The following ALDH16A1 variants were observed in gnomAD, a reference collection of about 807,000 sequenced individuals.
The protein encoded by ALDH16A1 is aldehyde dehydrogenase family 16 member A1.
In ALDH16A1, 88 loss-of-function variants were observed where a neutral mutation model predicts 96.1. The ratio of observed to expected loss-of-function variants is 0.92; its 90% CI spans 0.77 to 1.09. The LOEUF (loss-of-function observed/expected upper bound fraction) is 1.09. Ranked by LOEUF, ALDH16A1 falls within the 50% of genes least tolerant of loss-of-function variation. The pLI is 0.00. For missense variants in ALDH16A1, 1,250 were observed against 1,112.6 expected, an observed-to-expected ratio of 1.12 and a Z score of -1.76; for synonymous variants, 522 against 496.4, an observed-to-expected ratio of 1.05 and a Z score of -0.69.
Position 49,455,731 on chromosome 19 carries a change from A to G in ALDH16A1, c.90+2310A>G, listed in dbSNP as rs573864822. 4.6e-5 allele frequency among the ~76,000 whole-genome samples: 7 copies of G among 152,294 alleles called. No individual in the cohort carries two copies. In the South Asian group the frequency reaches 6.2e-4, roughly 14 times the overall value. On this transcript the variant is annotated intron_variant, in intron 1 of 16. Coordinates refer to ENST00000293350, the MANE Select transcript of ALDH16A1 (RefSeq NM_153329.4). ...GGCAACATGGTGAGGCCCTATCTCT[A>G]TTAATATAAAAATAAAACATAAAAA...
In ALDH16A1 at chr19:49,468,179, G is replaced by T. The variant is rs1227821154; in HGVS notation, c.1939-202G>T. 3.9e-6 allele frequency: 2 copies of T among 515,174 alleles called. No individual in the cohort carries two copies. Among genetic ancestry groups the T allele is most frequent in the East Asian group, 3.3e-5 (1 of 30,708 alleles). 31.9% of individuals were successfully genotyped at this position (515,174 alleles called of 1,614,324 possible). ...CGTCTCAAAAAAAAAAAAAAAGAAA[G>T]GCGGTTATGCAGGATGTTTCTCACC... is the stretch of plus-strand genomic sequence containing the variant. On this transcript the variant is annotated intron_variant, in intron 14 of 16. Coordinates refer to ENST00000293350, the MANE Select transcript of ALDH16A1 (RefSeq NM_153329.4). This position sits in a 1 kb window ranked among gnomAD's most constrained non-coding sequence, Gnocchi z 4.4.
intron 1 of ALDH16A1, among the ~76,000 whole-genome samples, chr19:49,456,902 G>A (rs1385924822): frequency 6.6e-6 from 1 of 151,878 alleles, no homozygotes; most frequent in Non-Finnish European, 1.5e-5. Flanking sequence ...GAGGCCAGGA[G>A]TTCGAGACCA....
chr19:49,468,612 C>T lies in ALDH16A1; in HGVS notation c.2124+46C>T, dbSNP rs1430217299. ...GCCTCTCCTCCCCGTAGCCTCAGGG[C>T]AGCAGAAAAAGGCGCCCCAAAGTCG... On this transcript the variant is annotated intron_variant, in intron 15 of 16. Coordinates refer to ENST00000293350, the MANE Select transcript of ALDH16A1 (RefSeq NM_153329.4). The surrounding 1 kb of genome is among the most constrained non-coding windows in gnomAD (Gnocchi z 4.4). The T allele has an allele frequency of 3.8e-6, 6 of 1,583,580 alleles. No individual in the cohort carries two copies. The highest frequency in any genetic ancestry group is 4.3e-6 in the Non-Finnish European group (5 of 1,169,550).
chr19:49,470,648 C>A lies in ALDH16A1; in HGVS notation c.*181C>A. On this transcript the variant is annotated 3_prime_UTR_variant, in exon 17 of 17. Coordinates refer to ENST00000293350, the MANE Select transcript of ALDH16A1 (RefSeq NM_153329.4). ...CTTCTGGCAGATATGAGGCTTTTTT[C>A]TTTTTTTTTTTTTTTTTTGAGACAA... is the stretch of plus-strand genomic sequence containing the variant. 26 of 341,476 alleles carry A rather than the reference C, an allele frequency of 7.6e-5. No homozygotes were observed. Among genetic ancestry groups the A allele is most frequent in the Non-Finnish European group, 1.2e-4 (25 of 204,580 alleles). 21.2% of individuals were successfully genotyped at this position (341,476 alleles called of 1,614,324 possible).
chr19:49,454,669 G>A (rs991407674), intron 1 of ALDH16A1, among the ~76,000 whole-genome samples: 3 of 152,236 alleles, frequency 2.0e-5, no homozygotes, highest in South Asian at 2.1e-4. Flanking sequence ...CTTTGAGGGG[G>A]AGGGCAGGAG....
At position 49,461,525 on chromosome 19, in the gene ALDH16A1, G is replaced by C; in HGVS notation, c.578-94G>C. ...GGCTGGAGTCTGGACTCCTGGGTCT[G>C]AGGGAGGAGGGGCTGGGGGTCCAGA... On this transcript the variant is annotated intron_variant, in intron 5 of 16. Coordinates refer to ENST00000293350, the MANE Select transcript of ALDH16A1 (RefSeq NM_153329.4). 3.7e-6 allele frequency: 2 copies of C among 537,304 alleles called. 1 individual carries two copies. The highest frequency in any genetic ancestry group is 5.8e-6 in the Non-Finnish European group (2 of 343,034). The allele number at this position is 537,304 out of a possible 1,614,324, so 33.3% of individuals were successfully genotyped here. A position where few individuals can be genotyped will look rare whatever the true frequency, so the allele number is the denominator to read the frequency against.
intron 1 of ALDH16A1, among the ~76,000 whole-genome samples, chr19:49,457,105 T>C (rs868746572): frequency 3.5e-5 from 5 of 144,848 alleles, no homozygotes; most frequent in Non-Finnish European, 7.5e-5. Flanking sequence ...CAAGACTCCA[T>C]CTCAAAAAAA....
At position 49,468,414 on chromosome 19, in the gene ALDH16A1, C is replaced by G. The variant is rs149300233; in HGVS notation, c.1972C>G (p.Arg658Gly). 2 of 1,600,374 alleles carry G rather than the reference C, an allele frequency of 1.2e-6. No homozygotes were observed. Among genetic ancestry groups the G allele is most frequent in the Non-Finnish European group, 1.7e-6 (2 of 1,179,786 alleles). Residue 658 changes from arginine to glycine, a missense_variant, in exon 15 of 17, where the codon CGG becomes GGG. By Grantham distance (125) the Arg-to-Gly change is moderately radical (BLOSUM62 -2). Transcript: ENST00000293350. The surrounding 1 kb of genome is among the most constrained non-coding windows in gnomAD (Gnocchi z 4.4). ...GCTGAGAGGCCCTGTGCTGCGCCTGCGGGAGCCGCTGGGTGTGCTGGCTGT... is the reference window on the plus strand; with the variant it reads ...GCTGAGAGGCCCTGTGCTGCGCCTGGGGGAGCCGCTGGGTGTGCTGGCTGT... The part of the protein sequence containing the change: ...AGLRGPVLRL[R>G]EPLGVLAVVC...
chr19:49,468,848 T>C lies in ALDH16A1; in HGVS notation c.2125-16T>C. The C allele has an allele frequency of 1.2e-6, 2 of 1,605,922 alleles. No individual in the cohort carries two copies. Among genetic ancestry groups the C allele is most frequent in the Non-Finnish European group, 1.7e-6 (2 of 1,176,018 alleles). On this transcript the variant is annotated splice_polypyrimidine_tract_variant and intron_variant, in intron 15 of 16. Coordinates refer to ENST00000293350, the MANE Select transcript of ALDH16A1 (RefSeq NM_153329.4). This position sits in a 1 kb window ranked among gnomAD's most constrained non-coding sequence, Gnocchi z 4.4. ...CCCCACGGCCTCCCCAACCTTTCAC[T>C]CTCTCTATCCCCTAGGACATGGCCA...
rs752599896 is a variant in ALDH16A1, at chr19:49,465,750, CT to C, written c.1582del (p.Tyr528MetfsTer99). 9 of 1,613,732 alleles carry C rather than the reference CT, an allele frequency of 5.6e-6. No individual in the cohort carries two copies. In the Admixed American group the frequency reaches 8.3e-5, roughly 15 times the overall value. On this transcript the variant is annotated frameshift_variant, in exon 13 of 17. Coordinates refer to ENST00000293350, the MANE Select transcript of ALDH16A1 (RefSeq NM_153329.4). LOFTEE classifies it high-confidence loss of function. Reference protein sequence around the residue: ...PEIGPSPAPPYGLFVGGRFQA... With the variant: ...PEIGPSPAPPXGLFVGGRFQA... Reference sequence around the variant, plus strand: ...CACCCTACTCCAGCCCAGCACCCCCCTATGGGCTCTTCGTTGGGGGCCGTTT... The same window carrying C: ...CACCCTACTCCAGCCCAGCACCCCCCATGGGCTCTTCGTTGGGGGCCGTTT...
chr19:49,467,663 G>A (rs908962281), intron 14 of ALDH16A1, among the ~76,000 whole-genome samples: 9 of 151,326 alleles, frequency 5.9e-5, no homozygotes, highest in Non-Finnish European at 1.0e-4. Flanking sequence ...CAAAGTGCTG[G>A]GATTACAGGT....
In ALDH16A1 at chr19:49,457,795, G is replaced by C. The variant is rs1426504902; in HGVS notation, c.91-691G>C. 3.3e-5 allele frequency among the ~76,000 whole-genome samples: 5 copies of C among 151,518 alleles called. No homozygotes were observed. In the East Asian group the frequency reaches 6.0e-4, roughly 18 times the overall value. ...CGGCTAACTTTTTGTATTTTTTGTA[G>C]AGATGAGCTTTCACCATGTTGCCCA... On this transcript the variant is annotated intron_variant, in intron 1 of 16. Coordinates refer to ENST00000293350, the MANE Select transcript of ALDH16A1 (RefSeq NM_153329.4).
intron 12 of ALDH16A1, 53 bp from the exon 13 acceptor site, chr19:49,465,680 ATAGGG>A: frequency 6.5e-7 from 1 of 1,544,964 alleles, no homozygotes. Context: ...GCGGTAGAGC[ATAGGG>A]TCTGAGCAGA....
rs764298095 is a variant in ALDH16A1 at position 49,459,748 on chromosome 19, G to C, written c.399G>C (p.Glu133Asp). 1.2e-6 allele frequency: 2 copies of C among 1,613,744 alleles called. No homozygotes were observed. The highest frequency in any genetic ancestry group is 1.1e-5 in the South Asian group (1 of 91,056). The change falls in exon 4 of 17, where the codon GAG becomes GAC. Residue 133 changes from glutamate (E) to aspartate (D), a missense_variant. Glu to Asp is a conservative substitution (Grantham distance 45, BLOSUM62 2). Transcript: ENST00000293350. This position sits in a 1 kb window ranked among gnomAD's most constrained non-coding sequence, Gnocchi z 4.1. ...TGGTGACTGGGCGGGCTGTTCGAGAGGTTCGAGACGGGGACGTCCAGCTGG... is the reference window on the plus strand; with the variant it reads ...TGGTGACTGGGCGGGCTGTTCGAGACGTTCGAGACGGGGACGTCCAGCTGG... ...ESLVTGRAVR[E>D]VRDGDVQLAQ...
At position 49,458,677 on chromosome 19, in the gene ALDH16A1, C is replaced by T. The variant is rs941150519; in HGVS notation, c.193+89C>T. 8.6e-6 allele frequency: 12 copies of T among 1,387,752 alleles called. No homozygotes were observed. In the African/African-American group the frequency reaches 1.4e-4, roughly 17 times the overall value. 86.0% of individuals were successfully genotyped at this position (1,387,752 alleles called of 1,614,324 possible). On this transcript the variant is annotated intron_variant, in intron 2 of 16. Transcript: ENST00000293350. ...AACACCCATTCCCCTTGCCTAGGGCCCTGAGGGCAGGAAACAGCTGGTGGT... is the reference window on the plus strand; with the variant it reads ...AACACCCATTCCCCTTGCCTAGGGCTCTGAGGGCAGGAAACAGCTGGTGGT...
chr19:49,468,284 C>A lies in ALDH16A1; in HGVS notation c.1939-97C>A. Reference sequence around the variant, plus strand: ...GCTTCCACAATGGTGCGGTTTGGGCCAACACCAAGTGTTGGGGAGAATGTA... The same window carrying A: ...GCTTCCACAATGGTGCGGTTTGGGCAAACACCAAGTGTTGGGGAGAATGTA... On this transcript the variant is annotated intron_variant, in intron 14 of 16. Coordinates refer to ENST00000293350, the MANE Select transcript of ALDH16A1 (RefSeq NM_153329.4). This position sits in a 1 kb window ranked among gnomAD's most constrained non-coding sequence, Gnocchi z 4.4. 1 of 1,333,964 alleles carries A rather than the reference C, an allele frequency of 7.5e-7. No individual in the cohort carries two copies. Among genetic ancestry groups the A allele is most frequent in the Non-Finnish European group, 1.0e-6 (1 of 976,242 alleles). The allele number at this position is 1,333,964 out of a possible 1,614,324, so 82.6% of individuals were successfully genotyped here. A position where few individuals can be genotyped will look rare whatever the true frequency, so the allele number is the denominator to read the frequency against.
chr19:49,458,821 G>GTGAT, intron 2 of ALDH16A1, 139 bp from the exon 3 acceptor site: 2 of 1,283,544 alleles, frequency 1.6e-6, no homozygotes, highest in Non-Finnish European at 2.2e-6. Context: ...TGCCCTGGAG[G>GTGAT]TGATCATAGC....
At chr19:49,457,554 A>AC (rs893910136) in intron 1 of ALDH16A1, among the ~76,000 whole-genome samples, 2 of 16,232 alleles carry the variant, frequency 1.2e-4, no homozygotes, top group African/African-American at 3.0e-4. Context: ...TCTCAAACAA[A>AC]AAAAAAAAAA....
At position 49,464,130 on chromosome 19, in the gene ALDH16A1, C is replaced by A; in HGVS notation, c.1198C>A (p.Pro400Thr). 1 of 1,607,654 alleles carries A rather than the reference C, an allele frequency of 6.2e-7. No homozygotes were observed. Among genetic ancestry groups the A allele is most frequent in the Non-Finnish European group, 8.5e-7 (1 of 1,178,776 alleles). ...GCCTCCCGGTCACCCCTTGCAGGTG[C>A]CGTGGCCTGTGGTCGTGGCCTCCCC... ...PASPCAQVEV[P>T]WPVVVASPFR... Residue 400 changes from proline to threonine, a missense_variant, in exon 10 of 17, where the codon CCG becomes ACG. Physicochemically the swap from Pro to Thr is conservative, Grantham distance 38. Coordinates refer to ENST00000293350, the MANE Select transcript of ALDH16A1 (RefSeq NM_153329.4).
Sources: gnomAD v4.1 joint callset for allele counts (sites outside exome capture counted in the v4.1 genomes callset) on GRCh38, gnomAD v4.1.1 for gene constraint, Gnocchi (gnomAD v3.1) non-coding constraint, MANE v1.5 for transcripts, NCBI Gene and HGNC (gene_info 2026-07-23, HGNC 2026-07-21) for gene names.